HERPUD1: variants seen among roughly 807,000 people sequenced by gnomAD.
The protein encoded by HERPUD1 is homocysteine-responsive endoplasmic reticulum-resident ubiquitin-like domain member 1 protein.
In HERPUD1, 17 loss-of-function variants were observed where a neutral mutation model predicts 45.0. The observed-to-expected ratio is 0.38, with a 90% CI of 0.26 to 0.57. The LOEUF is 0.57. Ranked by LOEUF, HERPUD1 falls within the 20% of genes least tolerant of loss-of-function variation. HERPUD1 has a pLI of 0.72. For synonymous variants in HERPUD1, 164 were observed against 177.5 expected, an observed-to-expected ratio of 0.92 and a Z score of 0.61; for missense variants, 420 against 490.5, an observed-to-expected ratio of 0.86 and a Z score of 1.36.
At chr16:56,933,867 T>C (rs2055845330) in intron 1 of HERPUD1, among the ~76,000 whole-genome samples, 1 of 152,230 alleles carries the variant, frequency 6.6e-6, no homozygotes, top group South Asian at 2.1e-4. Context: ...TTGGTTGAAC[T>C]CTGTAATAAA....
At position 56,932,268 on chromosome 16, in the gene HERPUD1, G is replaced by A. The variant is rs1181239619; in HGVS notation, c.24G>A (p.Glu8=). 1.2e-6 allele frequency: 2 copies of A among 1,608,988 alleles called. No homozygotes were observed. The highest frequency in any genetic ancestry group is 1.7e-6 in the Non-Finnish European group (2 of 1,179,446). Residue 8 remains glutamate (E), a synonymous_variant, in exon 1 of 8, where the codon GAG becomes GAA. Transcript: ENST00000439977. MESETEP[E]PVTLLVKSPN... ...CCATGGAGTCCGAGACCGAACCCGA[G>A]CCCGTCACGCTCCTGGTGAAGAGCC...
rs555802283 is a variant in HERPUD1, at chr16:56,938,334, T to C, written c.432-903T>C. ...ATCCCAGCACTTTGGGAGGCCAAGGTGGGCGGATCACGAGGTCAGGAGATT... is the reference window on the plus strand; with the variant it reads ...ATCCCAGCACTTTGGGAGGCCAAGGCGGGCGGATCACGAGGTCAGGAGATT... On this transcript the variant is annotated intron_variant, in intron 4 of 7. Coordinates refer to ENST00000439977, the MANE Select transcript of HERPUD1 (RefSeq NM_014685.4). Among the ~76,000 whole-genome samples, 80 of 152,124 alleles carry C rather than the reference T, an allele frequency of 5.3e-4. 1 individual carries two copies. The highest frequency in any genetic ancestry group is 3.7e-3 in the South Asian group (18 of 4,818).
rs776692610 is a variant in HERPUD1 at position 56,932,353 on chromosome 16, C to T, written c.109C>T (p.Leu37Phe). 5 of 1,599,842 alleles carry T rather than the reference C, an allele frequency of 3.1e-6. No homozygotes were observed. In the East Asian group the frequency reaches 6.8e-5, roughly 22 times the overall value. ...SGDRGWSVGH[L>F]KAHLSRVYPE... ...CGACCGCGGCTGGAGTGTGGGCCAC[C>T]TCAAGGCCCACCTGAGCCGCGTCTA... Residue 37 changes from leucine (L) to phenylalanine (F), a missense_variant, in exon 1 of 8, where the codon CTC becomes TTC. By Grantham distance (22) the Leu-to-Phe change is conservative. Transcript: ENST00000439977.
intron 4 of HERPUD1, 24 bp downstream of exon 4, chr16:56,936,841 G>A (rs1288545226): frequency 6.2e-7 from 1 of 1,609,916 alleles, no homozygotes. Context: ...TAAAGATCTT[G>A]GCTTATGCAA....
At chr16:56,934,699 A>ATTTTTTTTTT (rs1257594998) in intron 1 of HERPUD1, among the ~76,000 whole-genome samples, 13 of 73,088 alleles carry the variant, frequency 1.8e-4, no homozygotes, top group South Asian at 4.6e-4. Context: ...ATAATTTGCC[A>ATTTTTTTTTT]TTCTTTTTTT....
intron 3 of HERPUD1, 152 bp downstream of exon 3, chr16:56,935,627 T>C (rs2144817577): frequency 1.5e-6 from 1 of 663,076 alleles, no homozygotes; most frequent in South Asian, 1.8e-5. Context: ...GAAACTGTAT[T>C]ATCAACACAA....
chr16:56,935,151 A>T, intron 1 of HERPUD1, 84 bp from the exon 2 acceptor site: 1 of 895,982 alleles, frequency 1.1e-6, no homozygotes, highest in Non-Finnish European at 1.8e-6. Flanking sequence ...TATTCAAATT[A>T]CTTGTATAAA....
Position 56,936,882 on chromosome 16 carries a change from G to T in HERPUD1, c.431+65G>T, listed in dbSNP as rs901508100. On this transcript the variant is annotated intron_variant, in intron 4 of 7. Transcript: ENST00000439977. ...ATGTTCCTCGTTTGCATCAATTTAA[G>T]AATAAGGTATGTTTACACGTATATA... 8.3e-6 allele frequency: 13 copies of T among 1,568,704 alleles called. No homozygotes were observed. The African/African-American group carries it at 1.6e-4, about 20-fold the overall frequency.
Position 56,936,927 on chromosome 16 carries a change from C to T in HERPUD1, c.431+110C>T, listed in dbSNP as rs549123996. ...TATATAATCAGAACTTTTAAACATA[C>T]AGAATTTTGCTTTATAAATAGCTTC... On this transcript the variant is annotated intron_variant, in intron 4 of 7. Transcript: ENST00000439977. The T allele has an allele frequency of 5.0e-6, 6 of 1,201,518 alleles. No homozygotes were observed. In the South Asian group the frequency reaches 7.7e-5, roughly 15 times the overall value. 74.4% of individuals were successfully genotyped at this position (1,201,518 alleles called of 1,614,324 possible).
chr16:56,943,407 T>A lies in HERPUD1; in HGVS notation c.*117T>A. 8.4e-7 allele frequency: 1 copy of A among 1,185,252 alleles called. No homozygotes were observed. Among genetic ancestry groups the A allele is most frequent in the Non-Finnish European group, 1.3e-6 (1 of 795,052 alleles). 73.4% of individuals were successfully genotyped at this position (1,185,252 alleles called of 1,614,324 possible). A position where few individuals can be genotyped will look rare whatever the true frequency, so the allele number is the denominator to read the frequency against. On this transcript the variant is annotated 3_prime_UTR_variant, in exon 8 of 8. Transcript: ENST00000439977. ...ATGAGTTTTTAAAAAACAGTGTGGA[T>A]GATGATATGCTTTTGTGAGCAAGCA...
chr16:56,939,399 C>A (rs62035462), intron 5 of HERPUD1, 40 bp downstream of exon 5: 1 of 1,611,564 alleles, frequency 6.2e-7, no homozygotes, highest in South Asian at 1.1e-5. Context: ...CCAGGGCTCC[C>A]GGGAATTGAA....
At chr16:56,935,756 T>C (rs1490918245) in intron 3 of HERPUD1, 5 of 419,372 alleles carry the variant, frequency 1.2e-5, no homozygotes, top group Non-Finnish European at 2.2e-5. Flanking sequence ...TCTAGATTAC[T>C]GAACTAACAC....
chr16:56,934,781 G>A (rs1423411164), intron 1 of HERPUD1, among the ~76,000 whole-genome samples: 1 of 130,046 alleles, frequency 7.7e-6, no homozygotes, highest in Non-Finnish European at 1.5e-5. Context: ...ACATGATCTT[G>A]GCTCACTGCA....
chr16:56,936,542 C>G (rs7189637), intron 3 of HERPUD1, 145 bp from the exon 4 acceptor site: 1 of 516,898 alleles, frequency 1.9e-6, no homozygotes, highest in African/African-American at 2.0e-5. Flanking sequence ...CTATTTTTTA[C>G]ATAACGTTGC....
Position 56,942,204 on chromosome 16 carries a change from C to G in HERPUD1, c.978C>G (p.Asp326Glu). The G allele has an allele frequency of 1.2e-6, 2 of 1,613,950 alleles. No individual in the cohort carries two copies. Among genetic ancestry groups the G allele is most frequent in the Non-Finnish European group, 1.7e-6 (2 of 1,179,836 alleles). ...TCCCAAATGATGGTCCTCCTCCTGACGTTGTAAATCAGGACCCCAACAATA... is the reference window on the plus strand; with the variant it reads ...TCCCAAATGATGGTCCTCCTCCTGAGGTTGTAAATCAGGACCCCAACAATA... ...QNFPNDGPPP[D>E]VVNQDPNNNL... The change falls in exon 7 of 8, where the codon GAC becomes GAG. Residue 326 changes from aspartate to glutamate, a missense_variant. Asp to Glu is a conservative substitution (Grantham distance 45). Transcript: ENST00000439977.
intron 4 of HERPUD1, among the ~76,000 whole-genome samples, chr16:56,937,789 C>T (rs1596979675): frequency 6.6e-6 from 1 of 150,674 alleles, no homozygotes; most frequent in Admixed American, 6.7e-5. Flanking sequence ...TTTCCATGCA[C>T]TGTAATTTTC....
intron 6 of HERPUD1, 154 bp from the exon 7 acceptor site, chr16:56,941,978 G>C (rs1228358994): frequency 6.4e-6 from 4 of 624,804 alleles, no homozygotes; most frequent in Non-Finnish European, 1.1e-5. Context: ...TGGTGAGAAT[G>C]TCTGGGAGAC....
chr16:56,941,044 C>T (rs940812539), intron 6 of HERPUD1: 16 of 152,174 alleles, frequency 1.1e-4, no homozygotes, highest in Admixed American at 9.8e-4. Context: ...AAGAACATAT[C>T]AATCCTGTGT....
At chr16:56,938,031 A>G (rs1307397958) in intron 4 of HERPUD1, among the ~76,000 whole-genome samples, 5 of 152,154 alleles carry the variant, frequency 3.3e-5, no homozygotes, top group Non-Finnish European at 7.3e-5. Flanking sequence ...CACCATATTT[A>G]AACTTGATTT....
Sources: gnomAD v4.1 joint callset for allele counts (sites outside exome capture counted in the v4.1 genomes callset) on GRCh38, gnomAD v4.1.1 for gene constraint, MANE v1.5 for transcripts, NCBI Gene and HGNC (gene_info 2026-07-23, HGNC 2026-07-21) for gene names.